Variants in CBR4 observed in about 807,000 individuals in gnomAD.
The protein encoded by CBR4 is carbonyl reductase 4.
CBR4 carries 22 observed loss-of-function variants against 21.0 expected under a neutral mutation model. The observed-to-expected ratio is 1.05, with a 90% CI of 0.75 to 1.50. The LOEUF is 1.50. CBR4 is among the 40% of genes most tolerant of loss of function. The probability of loss-of-function intolerance (pLI) is 0.00; values close to 1 mark genes in which losing one functional copy is unlikely to be tolerated. For missense variants in CBR4, 302 were observed against 286.3 expected (o/e 1.05, Z -0.40); for synonymous variants, 100 against 104.4 (o/e 0.96, Z 0.26).
In CBR4 at chr4:168,989,324, A is replaced by G. The variant is rs970593351; in HGVS notation, c.*826T>C. 1.0e-6 allele frequency: 1 copy of G among 985,296 alleles called. No individual in the cohort carries two copies. The highest frequency in any genetic ancestry group is 1.2e-6 in the Non-Finnish European group (1 of 829,896). The allele number at this position is 985,296 out of a possible 1,614,324, so 61.0% of individuals were successfully genotyped here. ...TGAAATCTGTGCGGTTCACTACTGT[A>G]CCAGGTATTAAAACCTTAAGGGCTA... On this transcript the variant is annotated 3_prime_UTR_variant, in exon 5 of 5. Coordinates refer to ENST00000306193, the MANE Select transcript of CBR4 (RefSeq NM_032783.5).
intron 2 of CBR4, among the ~76,000 whole-genome samples, chr4:168,970,462 AT>A (rs557340843): frequency 7.2e-5 from 11 of 151,878 alleles, no homozygotes; most frequent in Non-Finnish European, 1.3e-4. Context: ...ACAAAAGAAC[AT>A]TTTTTTTGAA....
chr4:168,995,672 C>T (rs1301569069), intron 4 of CBR4, among the ~76,000 whole-genome samples: 1 of 152,112 alleles, frequency 6.6e-6, no homozygotes, highest in Non-Finnish European at 1.5e-5. Context: ...GCTAGGTATA[C>T]ATTTACAATG....
At chr4:168,933,311 G>C (rs1179493728) in intron 2 of CBR4, among the ~76,000 whole-genome samples, 1 of 152,098 alleles carries the variant, frequency 6.6e-6, no homozygotes, top group East Asian at 1.9e-4. Flanking sequence ...AAAGTGAAGG[G>C]ATGGAAAAAA....
chr4:168,961,896 A>G (rs982006320), intron 2 of CBR4, among the ~76,000 whole-genome samples: 1 of 150,982 alleles, frequency 6.6e-6, no homozygotes, highest in Non-Finnish European at 1.5e-5. Flanking sequence ...TCATAGAAAG[A>G]AAGGAAGGGA....
At chr4:169,006,932 A>T in intron 2 of CBR4, 41 bp from the exon 3 acceptor site, 1 of 1,536,654 alleles carries the variant, frequency 6.5e-7, no homozygotes, top group South Asian at 1.1e-5. Flanking sequence ...TAATAACAAG[A>T]TAAAAACCAA....
intron 2 of CBR4, among the ~76,000 whole-genome samples, chr4:168,953,488 A>G (rs746238447): frequency 6.6e-6 from 1 of 152,044 alleles, no homozygotes; most frequent in Non-Finnish European, 1.5e-5. Context: ...CACAATCACA[A>G]TCACAGCTCA....
chr4:168,972,764 C>A (rs1764248723), intron 2 of CBR4, among the ~76,000 whole-genome samples: 1 of 151,764 alleles, frequency 6.6e-6, no homozygotes, highest in Non-Finnish European at 1.5e-5. Context: ...ATGTGGATGC[C>A]CTTTCTTTCT....
intron 2 of CBR4, among the ~76,000 whole-genome samples, chr4:168,956,063 CTGAGA>C (rs1394646188): frequency 6.6e-6 from 1 of 152,170 alleles, no homozygotes; most frequent in African/African-American, 2.4e-5. Flanking sequence ...TATTCACTCT[CTGAGA>C]TATGTTCAGC....
At chr4:168,903,848 C>T in intron 2 of CBR4, 1 of 1,613,686 alleles carries the variant, frequency 6.2e-7, no homozygotes, top group Non-Finnish European at 8.5e-7. Context: ...TCCCTCCATA[C>T]CACAGCCTCC....
Position 168,925,052 on chromosome 4 carries a change from C to A in CBR4, n.170-30287G>T, listed in dbSNP as rs1175390421. The A allele has an allele frequency of 6.2e-6, 10 of 1,613,954 alleles. No homozygotes were observed. The highest frequency in any genetic ancestry group is 8.5e-6 in the Non-Finnish European group (10 of 1,179,974). The stretch of plus-strand genomic sequence containing the variant: ...GCCAAGAATGAAGCAGGGATTGTGT[C>A]CTGTACTGCCAGGCTGGACGTTTAC... On this transcript the variant is annotated intron_variant and non_coding_transcript_variant, in intron 2 of 3. Coordinates refer to the CBR4 transcript ENST00000509108.
intron 2 of CBR4, among the ~76,000 whole-genome samples, chr4:168,952,705 AGCAAGTCTACCAGG>A (rs1763575765): frequency 6.6e-6 from 1 of 152,226 alleles, no homozygotes; most frequent in African/African-American, 2.4e-5. Context: ...CTAGCCACCC[AGCAAGTCTACCAGG>A]CTCCAAGCTG....
downstream of CBR4, among the ~76,000 whole-genome samples, chr4:168,983,619 T>C (rs75644255): frequency 0.025 from 3,822 of 151,948 alleles, 162 homozygotes; most frequent in African/African-American, 0.088. Context: ...AAGAAAACTT[T>C]AGGCCAGTAT....
chr4:168,990,402 A>G, intron 4 of CBR4, 74 bp from the exon 5 acceptor site: 1 of 1,289,892 alleles, frequency 7.8e-7, no homozygotes, highest in Non-Finnish European at 1.0e-6. Context: ...AAAAATAATA[A>G]ATTTGTTTCT....
intron 2 of CBR4, among the ~76,000 whole-genome samples, chr4:168,963,832 G>A (rs144613819): frequency 2.4e-4 from 37 of 152,172 alleles, no homozygotes; most frequent in African/African-American, 8.2e-4. Context: ...GATGCTCCAA[G>A]ACCAAAGAAA....
chr4:168,913,791 G>A, intron 2 of CBR4: 2 of 703,650 alleles, frequency 2.8e-6, no homozygotes, highest in South Asian at 1.5e-5. Flanking sequence ...TTCTGAAAAG[G>A]GTTAGTCATT....
downstream of CBR4, among the ~76,000 whole-genome samples, chr4:168,985,712 T>G (rs1414781999): frequency 6.6e-6 from 1 of 152,064 alleles, no homozygotes; most frequent in Non-Finnish European, 1.5e-5. Flanking sequence ...AAAAAAAAAT[T>G]AGATTATGAG....
chr4:168,956,429 C>T (rs1763685574), intron 2 of CBR4, among the ~76,000 whole-genome samples: 2 of 149,900 alleles, frequency 1.3e-5, no homozygotes, highest in South Asian at 4.2e-4. Context: ...ACCCTGTCTC[C>T]ACAAAAAAAA....
intron 2 of CBR4, chr4:168,925,180 T>C (rs1762328453): frequency 6.3e-7 from 1 of 1,579,644 alleles, no homozygotes; most frequent in Admixed American, 1.7e-5. Context: ...ACAACTATTG[T>C]GTTTTATTTG....
chr4:168,894,607 G>A lies in CBR4; in HGVS notation n.328C>T, dbSNP rs745941762. 7.4e-6 allele frequency: 12 copies of A among 1,612,608 alleles called. No homozygotes were observed. Among genetic ancestry groups the A allele is most frequent in the East Asian group, 2.2e-5 (1 of 44,760 alleles). On this transcript the variant is annotated non_coding_transcript_exon_variant, in exon 3 of 4. Coordinates refer to the CBR4 transcript ENST00000509108. Reference sequence around the variant, plus strand: ...TTAACATACGAAGAAAGAATGGCTCGTCGACTGCTAGGTGCTGACAGTGCA... The same window carrying A: ...TTAACATACGAAGAAAGAATGGCTCATCGACTGCTAGGTGCTGACAGTGCA...
Sources: gnomAD v4.1 joint callset for allele counts (sites outside exome capture counted in the v4.1 genomes callset) on GRCh38, gnomAD v4.1.1 for gene constraint, MANE v1.5 for transcripts, NCBI Gene and HGNC (gene_info 2026-07-23, HGNC 2026-07-21) for gene names.